ARID2: variants seen among roughly 807,000 people sequenced by gnomAD.
ARID2 encodes AT-rich interaction domain 2, also known as AT-rich interactive domain-containing protein 2.
ARID2 carries 32 observed loss-of-function variants against 184.6 expected under a neutral mutation model. The observed-to-expected ratio is 0.17, with a 90% CI of 0.13 to 0.23. The LOEUF is 0.23. ARID2 is among the 10% of genes least tolerant of loss of function. The pLI, the probability that ARID2 is intolerant of heterozygous loss-of-function variation, is 1.00. For synonymous variants in ARID2, 836 were observed against 772.6 expected (o/e 1.08, Z -1.36); for missense variants, 1,696 against 2,197.6 (o/e 0.77, Z 4.56).
intron 3 of ARID2, among the ~76,000 whole-genome samples, chr12:45,807,700 A>G (rs1312967956): frequency 6.6e-6 from 1 of 152,210 alleles, no homozygotes; most frequent in Non-Finnish European, 1.5e-5. Flanking sequence ...TATAACATAT[A>G]ATCTTAAATT....
intron 3 of ARID2, among the ~76,000 whole-genome samples, chr12:45,759,034 A>T (rs1241603128): frequency 1.3e-5 from 2 of 152,016 alleles, no homozygotes; most frequent in African/African-American, 4.8e-5. Context: ...TGTATATATT[A>T]ATATATATAT....
At chr12:45,737,442 G>T (rs569573557) in intron 3 of ARID2, among the ~76,000 whole-genome samples, 148 of 151,216 alleles carry the variant, frequency 9.8e-4, no homozygotes, top group African/African-American at 3.4e-3. Context: ...GGCTTTGATT[G>T]CTTTCTTTTG....
Position 45,905,356 on chromosome 12 carries a change from G to GAT in ARID2, c.*279_*280dup, listed in dbSNP as rs1344458614. 9 of 305,798 alleles carry GAT rather than the reference G, an allele frequency of 2.9e-5. No homozygotes were observed. The highest frequency in any genetic ancestry group is 4.9e-5 in the Non-Finnish European group (8 of 164,676). 18.9% of individuals were successfully genotyped at this position (305,798 alleles called of 1,614,324 possible). ...GGATGTTTCAGATCTGATAAATCCT[G>GAT]ATGGAAACTGGTATGATCAGAATTC... On this transcript the variant is annotated 3_prime_UTR_variant, in exon 21 of 21. Transcript: ENST00000334344.
At chr12:45,873,876 A>G (rs1417500196) in intron 16 of ARID2, among the ~76,000 whole-genome samples, 1 of 152,180 alleles carries the variant, frequency 6.6e-6, no homozygotes, top group Non-Finnish European at 1.5e-5. Context: ...TGATCAGGAT[A>G]GTGGTTGCTG....
chr12:45,768,826 G>A (rs1202603129), intron 3 of ARID2, among the ~76,000 whole-genome samples: 1 of 152,098 alleles, frequency 6.6e-6, no homozygotes, highest in African/African-American at 2.4e-5. Context: ...TTATGCTTCA[G>A]CACATTGTTG....
intron 16 of ARID2, among the ~76,000 whole-genome samples, chr12:45,883,816 T>C (rs1944141953): frequency 6.6e-6 from 1 of 151,970 alleles, no homozygotes; most frequent in South Asian, 2.1e-4. Flanking sequence ...CAAAGAGCAG[T>C]CATGGGAATC....
chr12:45,734,092 G>A (rs1592042729), intron 3 of ARID2, among the ~76,000 whole-genome samples: 1 of 152,250 alleles, frequency 6.6e-6, no homozygotes, highest in East Asian at 1.9e-4. Context: ...TTGGAGGCCA[G>A]GTGCGGTGGC....
At chr12:45,895,845 T>C (rs190522863) in intron 20 of ARID2, among the ~76,000 whole-genome samples, 1 of 152,302 alleles carries the variant, frequency 6.6e-6, no homozygotes, top group African/African-American at 2.4e-5. Flanking sequence ...TAATTCCATT[T>C]ACAATAGCAT....
In ARID2 at chr12:45,848,930, G is replaced by C. The variant is rs1401330994; in HGVS notation, c.1675G>C (p.Gly559Arg). Residue 559 changes from glycine (G) to arginine (R), a missense_variant, in exon 13 of 21, where the codon GGT (glycine) becomes CGT (arginine). Gly to Arg is a moderately radical substitution (Grantham distance 125). This residue lies in a region of ARID2 where 713 missense variants were observed against 824.4 expected (regional missense o/e 0.86). Transcript: ENST00000334344. ...CTCGACTTGCAGTAAATTAGCTCGT[G>C]GTGGAATCCTAACATCAACTGGATT... ...YLSTCSKLAR[G>R]GILTSTGFYK... The C allele has an allele frequency of 6.2e-7, 1 of 1,612,310 alleles. No homozygotes were observed. Among genetic ancestry groups the C allele is most frequent in the Non-Finnish European group, 8.5e-7 (1 of 1,179,044 alleles).
chr12:45,885,533 C>T (rs1306005184), intron 16 of ARID2, among the ~76,000 whole-genome samples: 1 of 152,066 alleles, frequency 6.6e-6, no homozygotes, highest in Non-Finnish European at 1.5e-5. Context: ...AGAAAAATAG[C>T]CTGCCAAGAC....
intron 3 of ARID2, among the ~76,000 whole-genome samples, chr12:45,785,606 T>C (rs1309685537): frequency 6.6e-6 from 1 of 152,072 alleles, no homozygotes; most frequent in Non-Finnish European, 1.5e-5. Flanking sequence ...AGCTCCAAAA[T>C]TGGAAACTTT....
chr12:45,860,491 A>G (rs1173645693), intron 15 of ARID2, among the ~76,000 whole-genome samples: 1 of 151,966 alleles, frequency 6.6e-6, no homozygotes, highest in Non-Finnish European at 1.5e-5. Flanking sequence ...TAGTATATTT[A>G]TTTCTCATTT....
At chr12:45,829,688 T>C (rs185615716) in intron 6 of ARID2, among the ~76,000 whole-genome samples, 111 of 151,910 alleles carry the variant, frequency 7.3e-4, no homozygotes, top group Non-Finnish European at 1.3e-3. Context: ...GGTTATCTTG[T>C]CTTTATTTTT....
chr12:45,841,813 C>T (rs554121386), intron 11 of ARID2: 236 of 152,248 alleles, frequency 1.6e-3, no homozygotes, highest in African/African-American at 5.3e-3. Context: ...AACTTGTATT[C>T]CAGTATCCTC....
chr12:45,808,801 G>A (rs190591384), intron 3 of ARID2, among the ~76,000 whole-genome samples: 2 of 151,918 alleles, frequency 1.3e-5, no homozygotes, highest in East Asian at 1.9e-4. Flanking sequence ...TTGCCCTATC[G>A]TCCAGGCAGC....
intron 3 of ARID2, among the ~76,000 whole-genome samples, chr12:45,791,137 C>A (rs374163656): frequency 6.6e-6 from 1 of 152,016 alleles, no homozygotes; most frequent in Non-Finnish European, 1.5e-5. Context: ...AGTGGCTACA[C>A]CATTTTATAT....
At chr12:45,781,325 G>A (rs1942084518) in intron 3 of ARID2, among the ~76,000 whole-genome samples, 1 of 144,510 alleles carries the variant, frequency 6.9e-6, no homozygotes, top group South Asian at 2.3e-4. Flanking sequence ...CTCACTCAGT[G>A]ATTGTTGACA....
intron 16 of ARID2, among the ~76,000 whole-genome samples, chr12:45,862,847 CT>C (rs1312844788): frequency 1.3e-5 from 2 of 151,978 alleles, no homozygotes; most frequent in Admixed American, 1.3e-4. Context: ...TCTTGCTAGT[CT>C]TTTCTAAACA....
At chr12:45,880,605 G>A (rs1325037123) in intron 16 of ARID2, among the ~76,000 whole-genome samples, 1 of 152,138 alleles carries the variant, frequency 6.6e-6, no homozygotes, top group African/African-American at 2.4e-5. Flanking sequence ...ATAAGATGGG[G>A]ATAATAATAG....
Sources: allele counts gnomAD v4.1 joint callset (sites outside exome capture counted in the v4.1 genomes callset), GRCh38; gene constraint gnomAD v4.1.1; regional missense constraint gnomAD v4.1.1; transcripts MANE v1.5; gene names NCBI Gene and HGNC (gene_info 2026-07-23, HGNC 2026-07-21).